Variants in POLN observed in about 807,000 individuals in gnomAD.
POLN encodes the protein DNA polymerase nu.
POLN carries 108 observed loss-of-function variants against 113.5 expected under a neutral mutation model. That is an observed-to-expected ratio of 0.95 (90% CI 0.81 to 1.12). The LOEUF (loss-of-function observed/expected upper bound fraction) is 1.12, where lower values mean the gene tolerates loss of function less well. POLN is among the 50% of genes most tolerant of loss of function. POLN has a pLI of 0.00. For missense variants in POLN, 1,097 were observed against 1,077.1 expected, an observed-to-expected ratio of 1.02 and a Z score of -0.26; for synonymous variants, 386 against 391.5, an observed-to-expected ratio of 0.99 and a Z score of 0.17.
chr4:2,131,020 T>C (rs530546301), intron 17 of POLN, among the ~76,000 whole-genome samples: 8 of 152,206 alleles, frequency 5.3e-5, no homozygotes, highest in Non-Finnish European at 1.2e-4. Flanking sequence ...CCACAAAAAA[T>C]ACACACACAT....
rs1733912118 is a variant in POLN at position 2,208,435 on chromosome 4, G to C, written c.266C>G (p.Pro89Arg). ...TGTGAGCCTGACACTGAAGGACTGA[G>C]GAGACAGCTTGGCAGAACCTCTTGA... The part of the protein sequence containing the change: ...QTSRGSAKLS[P>R]QSFSVRLTDQ... Residue 89 changes from proline to arginine, a missense_variant, in exon 5 of 26, where the codon CCT becomes CGT. Coordinates refer to ENST00000511885, the MANE Select transcript of POLN (RefSeq NM_181808.4). 1 of 1,588,040 alleles carries C rather than the reference G, an allele frequency of 6.3e-7. No homozygotes were observed. The highest frequency in any genetic ancestry group is 8.5e-7 in the Non-Finnish European group (1 of 1,172,358).
rs61757735 is a variant in POLN at position 2,179,404 on chromosome 4, G to A, written c.1083C>T (p.Ala361=). The change falls in exon 8 of 26, where the codon GCC becomes GCT. Residue 361 remains alanine (A), a synonymous_variant. Coordinates refer to ENST00000511885, the MANE Select transcript of POLN (RefSeq NM_181808.4). ...IAAWLIDPSD[A]TPSFEDLVEK... is the part of the protein sequence containing the mutation. ...CTACTAAATCTTCAAAAGAGGGTGT[G>A]GCATCACTAGGATCTATAAGCCATG... 5.3e-5 allele frequency: 85 copies of A among 1,613,236 alleles called. No homozygotes were observed. Among genetic ancestry groups the A allele is most frequent in the Non-Finnish European group, 6.9e-5 (81 of 1,179,362 alleles).
intron 3 of POLN, among the ~76,000 whole-genome samples, chr4:2,214,184 C>T (rs1050349616): frequency 2.0e-5 from 3 of 151,478 alleles, no homozygotes; most frequent in African/African-American, 4.9e-5. Context: ...TGCAGTGAGC[C>T]GAGATTGCGC....
At chr4:2,107,442 C>T (rs1283842603) in intron 19 of POLN, among the ~76,000 whole-genome samples, 4 of 152,126 alleles carry the variant, frequency 2.6e-5, no homozygotes, top group African/African-American at 9.7e-5. Context: ...TGTTTGTTAG[C>T]TTGCGGCGGG....
chr4:2,089,517 A>G, intron 20 of POLN: 1 of 1,300,826 alleles, frequency 7.7e-7, no homozygotes, highest in Non-Finnish European at 1.1e-6. Flanking sequence ...AAAACTGCAA[A>G]TTATCATTTT....
chr4:2,186,954 A>T (rs1733291242), intron 7 of POLN, among the ~76,000 whole-genome samples: 1 of 152,216 alleles, frequency 6.6e-6, no homozygotes, highest in African/African-American at 2.4e-5. Flanking sequence ...CCTGGAACTG[A>T]GAAATATATT....
chr4:2,163,879 T>C (rs1421369038), intron 13 of POLN, among the ~76,000 whole-genome samples: 1 of 152,248 alleles, frequency 6.6e-6, no homozygotes, highest in Non-Finnish European at 1.5e-5. Flanking sequence ...TGTTTTGTGA[T>C]ACGGCACATC....
intron 23 of POLN, 107 bp downstream of exon 23, chr4:2,080,851 G>A (rs1458914196): frequency 1.6e-5 from 26 of 1,589,770 alleles, no homozygotes; most frequent in Non-Finnish European, 2.1e-5. Flanking sequence ...GGGGACGGGG[G>A]CCCGATAAGC....
At chr4:2,176,945 C>A (rs35059979) in intron 8 of POLN, among the ~76,000 whole-genome samples, 37,514 of 152,056 alleles carry the variant, frequency 0.25, 7,157 homozygotes, top group African/African-American at 0.52. Context: ...ACAAATCCCC[C>A]ACCTCCAGCC....
chr4:2,081,152 G>C (rs972061626), intron 22 of POLN, 116 bp from the exon 23 acceptor site: 1 of 1,598,904 alleles, frequency 6.3e-7, no homozygotes, highest in Non-Finnish European at 8.5e-7. Context: ...TGCTGGCTCT[G>C]AGCTGTCTGA....
intron 13 of POLN, among the ~76,000 whole-genome samples, chr4:2,165,331 G>T (rs1732703450): frequency 6.6e-6 from 1 of 152,170 alleles, no homozygotes; most frequent in African/African-American, 2.4e-5. Context: ...ATCCGAAAAG[G>T]CTACATACTG....
At chr4:2,081,904 G>A (rs987415698) in intron 21 of POLN, among the ~76,000 whole-genome samples, 161 bp from the exon 22 acceptor site, 4 of 151,158 alleles carry the variant, frequency 2.6e-5, no homozygotes, top group African/African-American at 9.8e-5. Context: ...GGGCAAGTGG[G>A]CCCTGCAGTG....
intron 16 of POLN, among the ~76,000 whole-genome samples, chr4:2,155,704 A>G (rs573457204): frequency 6.6e-6 from 1 of 152,262 alleles, no homozygotes; most frequent in South Asian, 2.1e-4. Context: ...GTGTACTTAA[A>G]TAATTCACAT....
At chr4:2,196,052 C>G (rs1012125429) in intron 6 of POLN, among the ~76,000 whole-genome samples, 6 of 152,068 alleles carry the variant, frequency 3.9e-5, no homozygotes, top group African/African-American at 1.4e-4. Context: ...AATTGCATCA[C>G]TAAGGGAAGT....
chr4:2,219,332 C>T (rs991783942), intron 3 of POLN, among the ~76,000 whole-genome samples: 4 of 152,164 alleles, frequency 2.6e-5, no homozygotes, highest in Non-Finnish European at 5.9e-5. Flanking sequence ...GAGTAAATGG[C>T]CACAGGTTTC....
At chr4:2,160,656 G>A (rs191630108) in intron 13 of POLN, among the ~76,000 whole-genome samples, 252 of 152,200 alleles carry the variant, frequency 1.7e-3, no homozygotes, top group African/African-American at 4.6e-3. Flanking sequence ...TGATCCTCCC[G>A]CCTTGGCCTC....
chr4:2,111,286 C>T (rs1372291006), intron 19 of POLN, among the ~76,000 whole-genome samples: 1 of 152,060 alleles, frequency 6.6e-6, no homozygotes, highest in African/African-American at 2.4e-5. Flanking sequence ...CAATATCATA[C>T]TGAATGGACA....
At chr4:2,149,087 A>C (rs1482541148) in intron 16 of POLN, among the ~76,000 whole-genome samples, 2 of 152,142 alleles carry the variant, frequency 1.3e-5, no homozygotes, top group African/African-American at 4.8e-5. Context: ...TGAGCTTAGG[A>C]GTTCAAGACT....
At chr4:2,082,456 T>C (rs1440370204) in intron 21 of POLN, among the ~76,000 whole-genome samples, 1 of 152,222 alleles carries the variant, frequency 6.6e-6, no homozygotes, top group Non-Finnish European at 1.5e-5. Context: ...GACCCTGGAC[T>C]GGGCAGATCC....
Sources: allele counts gnomAD v4.1 joint callset (sites outside exome capture counted in the v4.1 genomes callset), GRCh38; gene constraint gnomAD v4.1.1; transcripts MANE v1.5; gene names NCBI Gene and HGNC (gene_info 2026-07-23, HGNC 2026-07-21).